The following CYB5R3 variants were observed in gnomAD, a reference collection of about 807,000 sequenced individuals.
CYB5R3 encodes NADH-cytochrome b5 reductase 3.
CYB5R3 carries 28 observed loss-of-function variants against 36.5 expected under a neutral mutation model. The observed-to-expected ratio is 0.77, with a 90% CI of 0.57 to 1.05. The LOEUF (loss-of-function observed/expected upper bound fraction) is 1.05. Among genes scored for constraint, CYB5R3 ranks in the 50% least tolerant of loss-of-function variants. CYB5R3 has a pLI of 0.00. For synonymous variants in CYB5R3, 181 were observed against 159.8 expected (o/e 1.13, Z -1.00); for missense variants, 474 against 408.9 (o/e 1.16, Z -1.37).
chr22:42,625,631 T>C (rs1403462529), intron 7 of CYB5R3, among the ~76,000 whole-genome samples: 2 of 152,044 alleles, frequency 1.3e-5, no homozygotes. Flanking sequence ...AACAGAGGGA[T>C]GGAACCTTGG....
intron 5 of CYB5R3, 141 bp downstream of exon 5, chr22:42,628,011 C>T (rs1004927936): frequency 2.4e-6 from 3 of 1,243,498 alleles, no homozygotes; most frequent in African/African-American, 1.5e-5. Flanking sequence ...CAGGGAGACT[C>T]AGTTCCCAGA....
chr22:42,639,822 G>T, intron 1 of CYB5R3: 2 of 968,282 alleles, frequency 2.1e-6, no homozygotes, highest in Non-Finnish European at 2.9e-6. Flanking sequence ...CCTTGAACAT[G>T]GGTTGGAACT....
chr22:42,631,079 G>T, intron 3 of CYB5R3, 91 bp from the exon 4 acceptor site: 9 of 1,185,658 alleles, frequency 7.6e-6, no homozygotes, highest in Non-Finnish European at 1.1e-5. Flanking sequence ...ACCCCACCCG[G>T]CATTCAAAGC....
chr22:42,635,860 T>C (rs1928862396), intron 2 of CYB5R3, among the ~76,000 whole-genome samples: 1 of 152,138 alleles, frequency 6.6e-6, no homozygotes, highest in Non-Finnish European at 1.5e-5. Context: ...GGAAGCAGCC[T>C]TTACTGGGGG....
At chr22:42,647,987 G>A (rs535797065) in intron 1 of CYB5R3, among the ~76,000 whole-genome samples, 1 of 152,360 alleles carries the variant, frequency 6.6e-6, no homozygotes, top group Non-Finnish European at 1.5e-5. Flanking sequence ...GTTGGGTGGA[G>A]ACCAGGGGAA....
intron 2 of CYB5R3, among the ~76,000 whole-genome samples, chr22:42,634,305 G>A (rs1037652676): frequency 1.3e-5 from 2 of 150,712 alleles, no homozygotes; most frequent in Non-Finnish European, 3.0e-5. Context: ...AGGTTGCAGT[G>A]AGCCGAGATC....
intron 8 of CYB5R3, among the ~76,000 whole-genome samples, chr22:42,621,182 T>TTTTGTGTG (rs1219788150): frequency 9.5e-6 from 1 of 104,972 alleles, no homozygotes; most frequent in African/African-American, 4.5e-5. Flanking sequence ...GATTTCTTTT[T>TTTTGTGTG]AGTGTGTGTG....
At chr22:42,623,944 G>A in intron 7 of CYB5R3, 56 bp from the exon 8 acceptor site, 1 of 1,486,912 alleles carries the variant, frequency 6.7e-7, no homozygotes, top group Non-Finnish European at 9.4e-7. Flanking sequence ...TGCCCCTGGA[G>A]ACACTCAACA....
rs377053657 is a variant in CYB5R3, at chr22:42,624,290, G to A, written c.634-402C>T. Reference sequence around the variant, plus strand: ...GGAGCGGGTGTAACACATACAATAAGCAATGGCCCCGTGAGAAGGCTCAGG... The same window carrying A: ...GGAGCGGGTGTAACACATACAATAAACAATGGCCCCGTGAGAAGGCTCAGG... On this transcript the variant is annotated intron_variant, in intron 7 of 8. Coordinates refer to ENST00000352397, the MANE Select transcript of CYB5R3 (RefSeq NM_000398.7). Among the ~76,000 whole-genome samples the A allele has an allele frequency of 2.9e-4, 44 of 152,302 alleles. No homozygotes were observed. In the South Asian group the frequency reaches 5.0e-3, roughly 17 times the overall value.
chr22:42,622,541 C>A (rs892481104), intron 8 of CYB5R3, among the ~76,000 whole-genome samples: 1 of 152,130 alleles, frequency 6.6e-6, no homozygotes, highest in African/African-American at 2.4e-5. Context: ...ACCACCCCCT[C>A]CAGGCCTGGG....
intron 2 of CYB5R3, chr22:42,632,466 G>C (rs1186865630): frequency 1.3e-5 from 2 of 152,282 alleles, no homozygotes; most frequent in Non-Finnish European, 2.9e-5. Flanking sequence ...GCACAGAGCA[G>C]CTGCCTCAAG....
chr22:42,629,862 A>G (rs1928517329), intron 4 of CYB5R3, among the ~76,000 whole-genome samples: 1 of 152,064 alleles, frequency 6.6e-6, no homozygotes, highest in African/African-American at 2.4e-5. Context: ...CAGTAGCATG[A>G]TCTTGGCTTA....
At chr22:42,620,509 C>T (rs897438968) in intron 8 of CYB5R3, among the ~76,000 whole-genome samples, 5 of 152,096 alleles carry the variant, frequency 3.3e-5, no homozygotes, top group Non-Finnish European at 5.9e-5. Flanking sequence ...GTGTCCTGCC[C>T]CCTCGAGCCC....
intron 1 of CYB5R3, 84 bp from the exon 2 acceptor site, chr22:42,636,930 CT>C (rs1375922273): frequency 6.5e-7 from 1 of 1,546,532 alleles, no homozygotes; most frequent in Non-Finnish European, 8.7e-7. Context: ...CAGGCCTCTG[CT>C]CACGCTGCCC....
rs1225142612 is a variant in CYB5R3 at position 42,639,338 on chromosome 22, T to TG, written c.22-2493dup. Among the ~76,000 whole-genome samples, 1,202 of 135,836 alleles carry TG rather than the reference T, an allele frequency of 8.8e-3. 8 individuals are homozygous for TG. The highest frequency in any genetic ancestry group is 0.013 in the Non-Finnish European group (874 of 65,178). 89.1% of individuals were successfully genotyped at this position (135,836 alleles called of 152,430 possible). On this transcript the variant is annotated intron_variant, in intron 1 of 8. Coordinates refer to ENST00000352397, the MANE Select transcript of CYB5R3 (RefSeq NM_000398.7). ...GACTCTGTCTCAAAAAAAAAAAAAG[T>TG]GGGGGGGGACCGGGCACGGTGGCTC...
intron 5 of CYB5R3, 74 bp downstream of exon 5, chr22:42,628,078 C>G: frequency 6.3e-7 from 1 of 1,598,348 alleles, no homozygotes; most frequent in Non-Finnish European, 8.6e-7. Flanking sequence ...GGGCCTGCAC[C>G]CTGCACCCAG....
rs575799992 is a variant in CYB5R3, at chr22:42,631,763, A to G, written c.154-313T>C. 4 of 457,060 alleles carry G rather than the reference A, an allele frequency of 8.8e-6. No homozygotes were observed. The Admixed American group carries it at 1.4e-4, about 16-fold the overall frequency. The allele number at this position is 457,060 out of a possible 1,614,324, so 28.3% of individuals were successfully genotyped here. Reference sequence around the variant, plus strand: ...AGGATGCCAGACAGGACGGGGAGGGAGGAATCCATCTCTGCCATCAGCTCA... The same window carrying G: ...AGGATGCCAGACAGGACGGGGAGGGGGGAATCCATCTCTGCCATCAGCTCA... On this transcript the variant is annotated intron_variant, in intron 2 of 8. Coordinates refer to ENST00000352397, the MANE Select transcript of CYB5R3 (RefSeq NM_000398.7).
In CYB5R3 at chr22:42,623,773, G is replaced by C. The variant is rs1283936212; in HGVS notation, c.733+16C>G. 2 of 1,608,274 alleles carry C rather than the reference G, an allele frequency of 1.2e-6. No homozygotes were observed. Among genetic ancestry groups the C allele is most frequent in the Non-Finnish European group, 1.7e-6 (2 of 1,174,730 alleles). ...GGCACCTCCCACCCACCCAGTGAGG[G>C]GCCTCCCTCACTCACCTTCAGGGGC... On this transcript the variant is annotated intron_variant, in intron 8 of 8. Coordinates refer to ENST00000352397, the MANE Select transcript of CYB5R3 (RefSeq NM_000398.7).
chr22:42,647,546 G>A (rs901524593), intron 1 of CYB5R3, among the ~76,000 whole-genome samples: 3 of 51,550 alleles, frequency 5.8e-5, no homozygotes, highest in Non-Finnish European at 1.3e-4. Context: ...TCAGGAGTTC[G>A]GGACCAGCTT....
Sources: allele counts gnomAD v4.1 joint callset (sites outside exome capture counted in the v4.1 genomes callset), GRCh38; gene constraint gnomAD v4.1.1; transcripts MANE v1.5; gene names NCBI Gene and HGNC (gene_info 2026-07-23, HGNC 2026-07-21).